JPH3: variants seen among roughly 807,000 people sequenced by gnomAD.
The protein encoded by JPH3 is junctophilin 3.
In JPH3, 11 loss-of-function variants were observed where a neutral mutation model predicts 59.6. The observed-to-expected ratio is 0.18, with a 90% confidence interval of 0.12 to 0.31. The LOEUF is 0.31. Among genes scored for constraint, JPH3 ranks in the 10% least tolerant of loss-of-function variants. The pLI is 1.00. For synonymous variants in JPH3, 673 were observed against 483.6 expected (o/e 1.39, Z -5.14); for missense variants, 1,202 against 1,105.7 (o/e 1.09, Z -1.24).
intron 2 of JPH3, chr16:87,653,631 G>C (rs2032398332): frequency 6.6e-6 from 1 of 152,350 alleles, no homozygotes; most frequent in Non-Finnish European, 1.5e-5. Flanking sequence ...AGACAGATGT[G>C]TCAGGGGTTA....
At chr16:87,634,099 G>A (rs913707638) in intron 1 of JPH3, among the ~76,000 whole-genome samples, 1 of 152,196 alleles carries the variant, frequency 6.6e-6, no homozygotes, top group South Asian at 2.1e-4. Context: ...GGTGCAGAGA[G>A]GCAGGAGGGA....
At chr16:87,641,422 A>G (rs549533355) in intron 1 of JPH3, among the ~76,000 whole-genome samples, 1 of 152,264 alleles carries the variant, frequency 6.6e-6, no homozygotes, top group East Asian at 1.9e-4. Flanking sequence ...CTCCCCAAGC[A>G]GCTTTGGGGG....
Position 87,677,594 on chromosome 16 carries a change from C to T in JPH3, c.1161-6548C>T, listed in dbSNP as rs1256406807. Among the ~76,000 whole-genome samples, 4 of 152,206 alleles carry T rather than the reference C, an allele frequency of 2.6e-5. No homozygotes were observed. The South Asian group carries it at 8.3e-4, about 31-fold the overall frequency. ...AACTGAGGCCCAGAGATTATGCAGC[C>T]TGCCCAGGTAAAGCAGCTGGTGAAC... On this transcript the variant is annotated intron_variant, in intron 2 of 4. Coordinates refer to ENST00000284262, the MANE Select transcript of JPH3 (RefSeq NM_020655.4).
chr16:87,616,223 TGTGTGTGTGTGTG>T (rs2030959136), intron 1 of JPH3, among the ~76,000 whole-genome samples: 1 of 146,090 alleles, frequency 6.8e-6, no homozygotes, highest in African/African-American at 2.6e-5. Context: ...TGTGTGTGTG[TGTGTGTGTGTGTG>T]TATTTTTTTT....
intron 2 of JPH3, chr16:87,653,545 G>A (rs2032395524): frequency 6.6e-6 from 1 of 152,158 alleles, no homozygotes; most frequent in Admixed American, 6.5e-5. Context: ...CTGAAATGGA[G>A]GGGGATATTT....
chr16:87,677,518 G>A (rs2033182710), intron 2 of JPH3, among the ~76,000 whole-genome samples: 1 of 152,192 alleles, frequency 6.6e-6, no homozygotes, highest in African/African-American at 2.4e-5. Context: ...ATGAATCTTT[G>A]CAGGGGTTCT....
intron 1 of JPH3, among the ~76,000 whole-genome samples, chr16:87,635,611 C>G (rs149917133): frequency 1.3e-5 from 2 of 152,206 alleles, no homozygotes; most frequent in Non-Finnish European, 2.9e-5. Flanking sequence ...GCCATGCCAG[C>G]CTGGCAGAAC....
Position 87,629,269 on chromosome 16 carries a change from G to A in JPH3, c.383-14989G>A, listed in dbSNP as rs536631187. 6.6e-5 allele frequency among the ~76,000 whole-genome samples: 10 copies of A among 152,116 alleles called. No individual in the cohort carries two copies. In the South Asian group the frequency reaches 2.1e-3, roughly 32 times the overall value. On this transcript the variant is annotated intron_variant, in intron 1 of 4. Transcript: ENST00000284262. ...CTGACTGCTGGGCTACTGCTGCGGT[G>A]GCTCATGAAGGTTTTTCTGTCCCCA...
chr16:87,662,358 C>CCCAAAA (rs1301669805), intron 2 of JPH3, among the ~76,000 whole-genome samples: 1 of 152,002 alleles, frequency 6.6e-6, no homozygotes, highest in Non-Finnish European at 1.5e-5. Context: ...TTCTGCATCT[C>CCCAAAA]CCAAAACCAA....
At chr16:87,673,931 A>G (rs1397167887) in intron 2 of JPH3, among the ~76,000 whole-genome samples, 1 of 151,944 alleles carries the variant, frequency 6.6e-6, no homozygotes, top group African/African-American at 2.4e-5. Flanking sequence ...GTCTCAAAAA[A>G]ATAAAATATA....
chr16:87,603,023 G>A lies in JPH3; in HGVS notation c.-124G>A, dbSNP rs1383252808. On this transcript the variant is annotated 5_prime_UTR_variant, in exon 1 of 5. Transcript: ENST00000284262. ...GCCCGCGCCCGAGACCGCGCTCCGG[G>A]GCCGCGTCCTCCTCTCCTCCGGAAA... 5.2e-5 allele frequency: 67 copies of A among 1,279,224 alleles called. No homozygotes were observed. The highest frequency in any genetic ancestry group is 6.8e-5 in the Non-Finnish European group (64 of 940,802). 79.2% of individuals were successfully genotyped at this position (1,279,224 alleles called of 1,614,324 possible).
intron 1 of JPH3, among the ~76,000 whole-genome samples, chr16:87,610,726 C>T (rs1277720333): frequency 1.3e-5 from 2 of 152,098 alleles, no homozygotes; most frequent in Non-Finnish European, 2.9e-5. Context: ...TTGGCTTTGT[C>T]ATTGCTCCTT....
chr16:87,685,863 CAA>C (rs2033404932), intron 3 of JPH3, among the ~76,000 whole-genome samples: 1 of 152,184 alleles, frequency 6.6e-6, no homozygotes, highest in Non-Finnish European at 1.5e-5. Flanking sequence ...CCAAATCCCC[CAA>C]GAGACGCATC....
intron 2 of JPH3, among the ~76,000 whole-genome samples, chr16:87,670,884 A>C (rs1477018797): frequency 6.6e-6 from 1 of 152,120 alleles, no homozygotes; most frequent in African/African-American, 2.4e-5. Context: ...GGGGGTCAGG[A>C]ATGGGCTTCT....
intron 1 of JPH3, among the ~76,000 whole-genome samples, chr16:87,618,089 G>T (rs1285222723): frequency 1.3e-5 from 2 of 152,148 alleles, no homozygotes; most frequent in East Asian, 3.9e-4. Context: ...ACTTCAGCCC[G>T]GGAGGTGCAG....
At position 87,657,489 on chromosome 16, in the gene JPH3, C is replaced by T. The variant is rs142708695; in HGVS notation, c.1160+12454C>T. Reference sequence around the variant, plus strand: ...AAGTGGACCGGTGACCGATGCACAGCGTTGAATGTACTGAATGCCACTGAA... The same window carrying T: ...AAGTGGACCGGTGACCGATGCACAGTGTTGAATGTACTGAATGCCACTGAA... On this transcript the variant is annotated intron_variant, in intron 2 of 4. Transcript: ENST00000284262. Among the ~76,000 whole-genome samples, 62 of 152,246 alleles carry T rather than the reference C, an allele frequency of 4.1e-4. 1 individual carries two copies. The highest frequency in any genetic ancestry group is 1.6e-3 in the Admixed American group (25 of 15,304).
intron 2 of JPH3, 97 bp from the exon 3 acceptor site, chr16:87,684,045 C>A: frequency 1.2e-6 from 1 of 837,720 alleles, no homozygotes; most frequent in Non-Finnish European, 2.0e-6. Context: ...CTTGTCTTAG[C>A]CCAGCCCGTT....
intron 2 of JPH3, among the ~76,000 whole-genome samples, chr16:87,671,031 G>T (rs368180500): frequency 6.6e-6 from 1 of 152,172 alleles, no homozygotes; most frequent in African/African-American, 2.4e-5. Context: ...GCTGTGGCCC[G>T]TACAGTCGCC....
chr16:87,626,659 C>G (rs899480311), intron 1 of JPH3, among the ~76,000 whole-genome samples: 1 of 152,270 alleles, frequency 6.6e-6, no homozygotes, highest in Non-Finnish European at 1.5e-5. Flanking sequence ...CTCAGAGCCA[C>G]TCAGCCTATG....
Sources: gnomAD v4.1 joint callset for allele counts (sites outside exome capture counted in the v4.1 genomes callset) on GRCh38, gnomAD v4.1.1 for gene constraint, MANE v1.5 for transcripts, NCBI Gene and HGNC (gene_info 2026-07-23, HGNC 2026-07-21) for gene names.